Variants in PRKDC observed in about 807,000 individuals in gnomAD.
The protein encoded by PRKDC is DNA-dependent protein kinase catalytic subunit.
In PRKDC, 82 loss-of-function variants were observed where a neutral mutation model predicts 486.9. The observed-to-expected ratio is 0.17, with a 90% CI of 0.14 to 0.20. The LOEUF (loss-of-function observed/expected upper bound fraction) is 0.20, where lower values mean the gene tolerates loss of function less well. Ranked by LOEUF, PRKDC falls within the 10% of genes least tolerant of loss-of-function variation. The probability of loss-of-function intolerance (pLI) is 1.00; values close to 1 mark genes in which losing one functional copy is unlikely to be tolerated. For missense variants in PRKDC, 4,504 were observed against 5,038.2 expected (o/e 0.89, Z 3.21); for synonymous variants, 1,895 against 1,837.0 (o/e 1.03, Z -0.81).
rs1214059027 is a variant in PRKDC, at chr8:47,807,213, T to C, written c.9671A>G (p.Glu3224Gly). ...CCTGATCAGGGAGCTGATATCTTCT[T>C]CCTGCTCTTGCACTTCCATCCTGTC... ...PSDRMEVQEQ[E>G]EDISSLIRSC... Residue 3224 changes from glutamate to glycine, a missense_variant, in exon 69 of 86, where the codon GAA becomes GGA. Physicochemically the swap from Glu to Gly is moderately conservative, Grantham distance 98. Transcript: ENST00000314191. 1.2e-6 allele frequency: 2 copies of C among 1,613,848 alleles called. No individual in the cohort carries two copies.
intron 58 of PRKDC, among the ~76,000 whole-genome samples, chr8:47,834,598 C>A (rs1367336104): frequency 6.6e-6 from 1 of 152,152 alleles, no homozygotes; most frequent in Non-Finnish European, 1.5e-5. Flanking sequence ...ACCGCAGTGT[C>A]CCCATTTGTA....
chr8:47,921,172 G>A (rs1310147243), intron 21 of PRKDC, among the ~76,000 whole-genome samples: 4 of 151,870 alleles, frequency 2.6e-5, no homozygotes, highest in Non-Finnish European at 5.9e-5. Flanking sequence ...GGAGAATGGC[G>A]TGAACCCAGG....
chr8:47,881,903 A>C lies in PRKDC; in HGVS notation c.4962+9T>G, dbSNP rs1215860088. On this transcript the variant is annotated intron_variant, in intron 37 of 85. Coordinates refer to ENST00000314191, the MANE Select transcript of PRKDC (RefSeq NM_006904.7). Reference sequence around the variant, plus strand: ...ATAAACATGACTGCTTTTTAAAGGAATTGAATACCTGTAAAATTTTTGCCA... The same window carrying C: ...ATAAACATGACTGCTTTTTAAAGGACTTGAATACCTGTAAAATTTTTGCCA... 2 of 1,597,822 alleles carry C rather than the reference A, an allele frequency of 1.3e-6. No individual in the cohort carries two copies. Among genetic ancestry groups the C allele is most frequent in the Non-Finnish European group, 1.7e-6 (2 of 1,170,370 alleles).
intron 35 of PRKDC, among the ~76,000 whole-genome samples, 183 bp downstream of exon 35, chr8:47,887,364 C>A (rs927339236): frequency 6.6e-6 from 1 of 152,078 alleles, no homozygotes; most frequent in African/African-American, 2.4e-5. Context: ...TTGTTCTATT[C>A]CGTTCTTTTT....
At chr8:47,863,085 T>C (rs1408684679) in intron 42 of PRKDC, among the ~76,000 whole-genome samples, 1 of 152,206 alleles carries the variant, frequency 6.6e-6, no homozygotes, top group Non-Finnish European at 1.5e-5. Context: ...TAAAATACTC[T>C]AAATCTTTTG....
chr8:47,889,965 A>G (rs550411964), intron 32 of PRKDC, among the ~76,000 whole-genome samples: 1 of 152,312 alleles, frequency 6.6e-6, no homozygotes, highest in African/African-American at 2.4e-5. Flanking sequence ...ATATCAAAAC[A>G]TCATGCTGTA....
chr8:47,943,481 C>T (rs2090480283), intron 9 of PRKDC, 115 bp from the exon 10 acceptor site: 7 of 1,064,036 alleles, frequency 6.6e-6, no homozygotes, highest in Non-Finnish European at 9.2e-6. Context: ...GATCTAGTAC[C>T]ATTACACTAC....
intron 22 of PRKDC, among the ~76,000 whole-genome samples, chr8:47,917,296 G>T (rs2090001815): frequency 2.0e-5 from 3 of 152,044 alleles, no homozygotes; most frequent in Admixed American, 6.6e-5. Flanking sequence ...AATTTTATTT[G>T]TAAAACTAGA....
intron 41 of PRKDC, among the ~76,000 whole-genome samples, 200 bp downstream of exon 41, chr8:47,864,356 A>G (rs2088753237): frequency 1.3e-5 from 2 of 152,158 alleles, no homozygotes. Context: ...TGGCCTCCAG[A>G]AGTGTAAGAG....
At chr8:47,800,678 C>T in intron 71 of PRKDC, 115 bp downstream of exon 71, 1 of 934,440 alleles carries the variant, frequency 1.1e-6, no homozygotes, top group Non-Finnish European at 1.5e-6. Context: ...GCATAACTGT[C>T]AAATATATTT....
At chr8:47,813,093 ATATTTATTTATTTATT>A (rs139524100) in intron 68 of PRKDC, among the ~76,000 whole-genome samples, 1,839 of 148,192 alleles carry the variant, frequency 0.012, 49 homozygotes, top group African/African-American at 0.041. Context: ...ATAGAATTTT[ATATTTATTTATTTATT>A]TATTTATTTA....
At chr8:47,822,051 C>T (rs754026254) in intron 64 of PRKDC, among the ~76,000 whole-genome samples, 74 of 152,288 alleles carry the variant, frequency 4.9e-4, no homozygotes, top group Non-Finnish European at 8.7e-4. Flanking sequence ...GGGAGGCTAA[C>T]GCACATGGAT....
chr8:47,865,918 G>A (rs2088798479), intron 40 of PRKDC, among the ~76,000 whole-genome samples: 1 of 152,142 alleles, frequency 6.6e-6, no homozygotes, highest in South Asian at 2.1e-4. Flanking sequence ...CACTTCGGGA[G>A]GCCGAGGCGG....
intron 27 of PRKDC, among the ~76,000 whole-genome samples, chr8:47,900,991 T>C (rs2089671280): frequency 1.3e-5 from 2 of 148,670 alleles, no homozygotes. Context: ...CTACAAAAAA[T>C]TAAAAAAAAA....
chr8:47,934,692 A>T (rs1323624757), intron 14 of PRKDC, among the ~76,000 whole-genome samples: 1 of 152,202 alleles, frequency 6.6e-6, no homozygotes, highest in African/African-American at 2.4e-5. Context: ...TCATCTCATC[A>T]TATGTCCTAT....
Position 47,819,424 on chromosome 8 carries a change from G to T in PRKDC, c.9423C>A (p.Phe3141Leu). 6.5e-7 allele frequency: 1 copy of T among 1,533,848 alleles called. No individual in the cohort carries two copies. Among genetic ancestry groups the T allele is most frequent in the Non-Finnish European group, 8.7e-7 (1 of 1,148,884 alleles). Residue 3141 changes from phenylalanine (F) to leucine (L), a missense_variant, in exon 67 of 86, where the codon TTC becomes TTA. Coordinates refer to ENST00000314191, the MANE Select transcript of PRKDC (RefSeq NM_006904.7). ...SVQALTEIQEFISFISKQGNL... is the reference protein window; with the variant it reads ...SVQALTEIQELISFISKQGNL... The stretch of plus-strand genomic sequence containing the variant: ...TACCTTGTTTGCTTATAAAGCTGAT[G>T]AACTCCTGAATTTCTGTTAAAGCCT...
intron 73 of PRKDC, among the ~76,000 whole-genome samples, chr8:47,795,379 T>C (rs576794450): frequency 6.0e-5 from 8 of 134,382 alleles, no homozygotes; most frequent in African/African-American, 2.3e-4. Flanking sequence ...TTAGTAGAGA[T>C]GGGGTTTCAC....
At position 47,849,323 on chromosome 8, in the gene PRKDC, G is replaced by A; in HGVS notation, c.7131-20C>T. On this transcript the variant is annotated intron_variant, in intron 53 of 85. Coordinates refer to ENST00000314191, the MANE Select transcript of PRKDC (RefSeq NM_006904.7). Reference sequence around the variant, plus strand: ...ATGAACCTGGCGGGGAAGGGAACTGGTGAGAGGAGGGCCGAGGACCCTCCT... The same window carrying A: ...ATGAACCTGGCGGGGAAGGGAACTGATGAGAGGAGGGCCGAGGACCCTCCT... 3 of 1,613,978 alleles carry A rather than the reference G, an allele frequency of 1.9e-6. No homozygotes were observed. Among genetic ancestry groups the A allele is most frequent in the Non-Finnish European group, 1.7e-6 (2 of 1,179,868 alleles).
chr8:47,823,998 TACAAA>T lies in PRKDC; in HGVS notation c.8784-7_8784-3del. On this transcript the variant is annotated splice_region_variant and splice_polypyrimidine_tract_variant and intron_variant, in intron 63 of 85. Transcript: ENST00000314191. ...TATTCTCCAATTGATCTATACAGCC[TACAAA>T]ACAAATCAAAAAGGCCAAATCAATG... is the stretch of plus-strand genomic sequence containing the variant. The T allele has an allele frequency of 6.3e-7, 1 of 1,580,998 alleles. No individual in the cohort carries two copies. Among genetic ancestry groups the T allele is most frequent in the Non-Finnish European group, 8.6e-7 (1 of 1,160,200 alleles).
Sources: gnomAD v4.1 joint callset for allele counts (sites outside exome capture counted in the v4.1 genomes callset) on GRCh38, gnomAD v4.1.1 for gene constraint, MANE v1.5 for transcripts, NCBI Gene and HGNC (gene_info 2026-07-23, HGNC 2026-07-21) for gene names.